ALK: variants seen among roughly 807,000 people sequenced by gnomAD.
ALK encodes the protein ALK tyrosine kinase receptor.
A neutral mutation model predicts 163.1 loss-of-function variants in ALK; 74 were observed. The ratio of observed to expected loss-of-function variants is 0.45; its 90% CI spans 0.38 to 0.55. ALK has a LOEUF of 0.55. Among genes scored for constraint, ALK ranks in the 20% least tolerant of loss-of-function variants. ALK has a pLI of 0.00. For missense variants in ALK, 2,063 were observed against 2,105.3 expected, an observed-to-expected ratio of 0.98 and a Z score of 0.39; for synonymous variants, 960 against 843.2, an observed-to-expected ratio of 1.14 and a Z score of -2.40.
chr2:29,828,364 A>G (rs1186642110), intron 1 of ALK, among the ~76,000 whole-genome samples: 4 of 152,220 alleles, frequency 2.6e-5, no homozygotes, highest in Non-Finnish European at 1.5e-5. Flanking sequence ...AGAAACTACC[A>G]TCAGAGTGAA....
intron 3 of ALK, among the ~76,000 whole-genome samples, chr2:29,584,189 A>C (rs1027100177): frequency 6.6e-6 from 1 of 152,154 alleles, no homozygotes; most frequent in Non-Finnish European, 1.5e-5. Flanking sequence ...CTTTGAGTTA[A>C]ATCTAGCAAG....
At chr2:29,470,732 C>T (rs565773897) in intron 4 of ALK, among the ~76,000 whole-genome samples, 23 of 150,366 alleles carry the variant, frequency 1.5e-4, no homozygotes, top group South Asian at 6.3e-4. Flanking sequence ...GAAATATTAA[C>T]GCAAGCTCTT....
rs377416949 is a variant in ALK at position 29,820,140 on chromosome 2, C to T, written c.667+99853G>A. On this transcript the variant is annotated intron_variant, in intron 1 of 28. Transcript: ENST00000389048. ...AATGAATAGAATATGGTGTCAGTGA[C>T]AGTATGTGACTTACAGGATTAGGTT... 1.0e-3 allele frequency among the ~76,000 whole-genome samples: 153 copies of T among 152,316 alleles called. 1 individual carries two copies. Among genetic ancestry groups the T allele is most frequent in the African/African-American group, 3.5e-3 (146 of 41,564 alleles).
chr2:29,678,266 T>A (rs1011352742), intron 3 of ALK, among the ~76,000 whole-genome samples: 1 of 151,912 alleles, frequency 6.6e-6, no homozygotes, highest in Non-Finnish European at 1.5e-5. Context: ...TTGGGTTCAA[T>A]GATTCTTACT....
intron 1 of ALK, among the ~76,000 whole-genome samples, chr2:29,751,499 C>G (rs557863452): frequency 1.3e-5 from 2 of 152,024 alleles, no homozygotes; most frequent in South Asian, 2.1e-4. Flanking sequence ...ATGGGAAAGG[C>G]GTTGAGTTGT....
At chr2:29,814,837 G>GT (rs973249412) in intron 1 of ALK, among the ~76,000 whole-genome samples, 15 of 151,500 alleles carry the variant, frequency 9.9e-5, no homozygotes, top group African/African-American at 3.6e-4. Context: ...ATGAGAAATT[G>GT]TAAGTACAAT....
chr2:29,250,100 G>A (rs1202880251), intron 12 of ALK, among the ~76,000 whole-genome samples: 1 of 152,194 alleles, frequency 6.6e-6, no homozygotes, highest in African/African-American at 2.4e-5. Flanking sequence ...GGGAGAGGAG[G>A]CGAGCTCATT....
At chr2:29,244,261 T>C (rs1664595922) in intron 12 of ALK, among the ~76,000 whole-genome samples, 1 of 152,262 alleles carries the variant, frequency 6.6e-6, no homozygotes, top group Non-Finnish European at 1.5e-5. Context: ...AAGGCCCTTT[T>C]CTCCCGTTTC....
intron 26 of ALK, among the ~76,000 whole-genome samples, chr2:29,201,155 A>G (rs1669169103): frequency 6.6e-6 from 1 of 152,020 alleles, no homozygotes; most frequent in African/African-American, 2.4e-5. Context: ...CTTAGGAAAA[A>G]TGGGAGCCAA....
At chr2:29,487,969 A>G (rs905544011) in intron 4 of ALK, among the ~76,000 whole-genome samples, 1 of 151,690 alleles carries the variant, frequency 6.6e-6, no homozygotes, top group African/African-American at 2.4e-5. Context: ...TGCTCAGTTT[A>G]TTTTCTTGGG....
At chr2:29,264,881 G>A (rs756597046) in intron 11 of ALK, among the ~76,000 whole-genome samples, 12 of 152,156 alleles carry the variant, frequency 7.9e-5, no homozygotes, top group Non-Finnish European at 1.5e-4. Context: ...ACGCATGATT[G>A]GAAGGGGTTG....
In ALK at chr2:29,516,976, A is replaced by G. The variant is rs73923651; in HGVS notation, c.1154+14939T>C. Reference sequence around the variant, plus strand: ...TATCATCATCTACTTTCACTCACACATTCGCATGACACTAATTTTGAGTTT... The same window carrying G: ...TATCATCATCTACTTTCACTCACACGTTCGCATGACACTAATTTTGAGTTT... On this transcript the variant is annotated intron_variant, in intron 4 of 28. Transcript: ENST00000389048. 2.9e-3 allele frequency among the ~76,000 whole-genome samples: 448 copies of G among 152,348 alleles called. 3 individuals are homozygous for G. Among genetic ancestry groups the G allele is most frequent in the African/African-American group, 0.01 (424 of 41,580 alleles).
At chr2:29,324,784 G>A (rs1667200861) in intron 6 of ALK, among the ~76,000 whole-genome samples, 1 of 152,198 alleles carries the variant, frequency 6.6e-6, no homozygotes, top group Non-Finnish European at 1.5e-5. Context: ...CTTGGATTTG[G>A]CGATGTTTAA....
intron 4 of ALK, among the ~76,000 whole-genome samples, chr2:29,530,766 G>A (rs1442006428): frequency 6.6e-6 from 1 of 152,208 alleles, no homozygotes; most frequent in Non-Finnish European, 1.5e-5. Flanking sequence ...CTGATATCTG[G>A]TGAATAGAGC....
At chr2:29,862,582 A>G (rs963169770) in intron 1 of ALK, among the ~76,000 whole-genome samples, 2 of 152,190 alleles carry the variant, frequency 1.3e-5, no homozygotes, top group Non-Finnish European at 2.9e-5. Context: ...AAAGATCTGA[A>G]CACTGAAAAT....
At chr2:29,641,989 T>A (rs1676717185) in intron 3 of ALK, among the ~76,000 whole-genome samples, 1 of 152,176 alleles carries the variant, frequency 6.6e-6, no homozygotes, top group Non-Finnish European at 1.5e-5. Context: ...TTGGGCTCCA[T>A]CCATGATTCT....
At chr2:29,465,225 A>G (rs1671181088) in intron 4 of ALK, among the ~76,000 whole-genome samples, 1 of 152,228 alleles carries the variant, frequency 6.6e-6, no homozygotes, top group Non-Finnish European at 1.5e-5. Context: ...TAAGAATGGC[A>G]GCAGACTCAT....
rs752227509 is a variant in ALK at position 29,193,668 on chromosome 2, C to A, written c.4419G>T (p.Gly1473=). ...VRVPRGPAVE[G]GHVNMAFSQS... ...GAGAGAATGCCATATTCACGTGTCC[C>A]CCTTCCACGGCCGGCCCTCTAGGGA... The change falls in exon 29 of 29, where the codon GGG becomes GGT. Residue 1473 remains glycine (G), a synonymous_variant. Transcript: ENST00000389048. 1 of 1,614,082 alleles carries A rather than the reference C, an allele frequency of 6.2e-7. No homozygotes were observed. The highest frequency in any genetic ancestry group is 2.2e-5 in the East Asian group (1 of 44,876).
intron 4 of ALK, among the ~76,000 whole-genome samples, chr2:29,461,212 C>G (rs899359005): frequency 6.6e-6 from 1 of 152,122 alleles, no homozygotes; most frequent in East Asian, 1.9e-4. Context: ...TTTAAGGCAA[C>G]AAGCCATGTC....
Sources: allele counts gnomAD v4.1 joint callset (sites outside exome capture counted in the v4.1 genomes callset), GRCh38; gene constraint gnomAD v4.1.1; transcripts MANE v1.5; gene names NCBI Gene and HGNC (gene_info 2026-07-23, HGNC 2026-07-21).